The following ATF6 variants were observed in gnomAD, a reference collection of about 807,000 sequenced individuals.
ATF6 encodes activating transcription factor 6.
In ATF6, 53 loss-of-function variants were observed where a neutral mutation model predicts 83.6. The ratio of observed to expected loss-of-function variants is 0.63; its 90% CI spans 0.51 to 0.80. The LOEUF is 0.80. ATF6 is among the 30% of genes least tolerant of loss of function. The pLI is 0.00. For synonymous variants in ATF6, 288 were observed against 285.8 expected (o/e 1.01, Z -0.08); for missense variants, 744 against 797.9 (o/e 0.93, Z 0.81).
At chr1:161,838,295 C>T (rs1319104690) in intron 9 of ATF6, among the ~76,000 whole-genome samples, 1 of 152,202 alleles carries the variant, frequency 6.6e-6, no homozygotes, top group Non-Finnish European at 1.5e-5. Flanking sequence ...TAAACACTGA[C>T]TCAGTGATGT....
At chr1:161,798,055 T>C (rs1427288827) in intron 6 of ATF6, among the ~76,000 whole-genome samples, 1 of 152,022 alleles carries the variant, frequency 6.6e-6, no homozygotes, top group Non-Finnish European at 1.5e-5. Flanking sequence ...AAACAAACAG[T>C]GGGGAAAGGA....
intron 15 of ATF6, among the ~76,000 whole-genome samples, chr1:161,920,294 C>CTTTTTTTTTTTTT (rs71798307): frequency 0.21 from 11,577 of 54,398 alleles, 4,483 homozygotes; most frequent in Non-Finnish European, 0.26. Flanking sequence ...CTCTCTCTCT[C>CTTTTTTTTTTTTT]TTTTTTTTTT....
chr1:161,851,730 A>G lies in ATF6; in HGVS notation c.1328A>G (p.His443Arg), dbSNP rs1236758096. ...GTGCATCCATGTTTCAGATATGATCATTCTGTTTCAAATGACAAAGCCCTG... is the reference window on the plus strand; with the variant it reads ...GTGCATCCATGTTTCAGATATGATCGTTCTGTTTCAAATGACAAAGCCCTG... ...IIQKNSYRYD[H>R]SVSNDKALMV... Residue 443 changes from histidine to arginine, a missense_variant, in exon 11 of 16, where the codon CAT (histidine) becomes CGT (arginine). By Grantham distance (29) the His-to-Arg change is conservative. Coordinates refer to ENST00000367942, the MANE Select transcript of ATF6 (RefSeq NM_007348.4). 6.2e-7 allele frequency: 1 copy of G among 1,612,716 alleles called. No individual in the cohort carries two copies. Among genetic ancestry groups the G allele is most frequent in the Non-Finnish European group, 8.5e-7 (1 of 1,178,950 alleles).
intron 12 of ATF6, among the ~76,000 whole-genome samples, chr1:161,856,357 A>G (rs185166713): frequency 6.6e-6 from 1 of 152,204 alleles, no homozygotes; most frequent in Admixed American, 6.5e-5. Context: ...AGTCATTAAC[A>G]ATGTCACATG....
chr1:161,834,546 G>A (rs994819442), intron 9 of ATF6, among the ~76,000 whole-genome samples: 2 of 148,686 alleles, frequency 1.3e-5, no homozygotes, highest in East Asian at 4.1e-4. Flanking sequence ...AACACCGCAT[G>A]TTCTCACTCA....
At chr1:161,910,080 A>G (rs1254081432) in intron 14 of ATF6, among the ~76,000 whole-genome samples, 1 of 152,246 alleles carries the variant, frequency 6.6e-6, no homozygotes, top group Non-Finnish European at 1.5e-5. Context: ...ACAGAGAGAA[A>G]GTAATGATTC....
chr1:161,868,435 T>C (rs1490067928), intron 14 of ATF6, among the ~76,000 whole-genome samples: 1 of 152,194 alleles, frequency 6.6e-6, no homozygotes, highest in Non-Finnish European at 1.5e-5. Flanking sequence ...CATTAAATTC[T>C]TTCTTGTATT....
At chr1:161,845,959 T>A (rs1053364151) in intron 9 of ATF6, among the ~76,000 whole-genome samples, 95 of 152,210 alleles carry the variant, frequency 6.2e-4, no homozygotes, top group African/African-American at 2.1e-3. Context: ...TTAAAAAATT[T>A]TTTTTTCTTA....
At position 161,821,060 on chromosome 1, in the gene ATF6, T is replaced by C; in HGVS notation, c.1096-10T>C. ...AGTTTAATTGTATTTAATGTGGTCA[T>C]TTCCTTTAGAACCAGAGGCTTAAAG... On this transcript the variant is annotated splice_polypyrimidine_tract_variant and intron_variant, in intron 8 of 15. Transcript: ENST00000367942. 9 of 1,585,838 alleles carry C rather than the reference T, an allele frequency of 5.7e-6. No individual in the cohort carries two copies. Among genetic ancestry groups the C allele is most frequent in the Non-Finnish European group, 7.7e-6 (9 of 1,162,296 alleles).
intron 5 of ATF6, among the ~76,000 whole-genome samples, 187 bp from the exon 6 acceptor site, chr1:161,791,937 G>A (rs893462373): frequency 1.3e-5 from 2 of 152,192 alleles, no homozygotes; most frequent in South Asian, 4.1e-4. Flanking sequence ...AGAAAAGGAG[G>A]TAACAGTTTA....
At chr1:161,803,721 C>T (rs1355259302) in intron 7 of ATF6, among the ~76,000 whole-genome samples, 1 of 152,056 alleles carries the variant, frequency 6.6e-6, no homozygotes, top group African/African-American at 2.4e-5. Context: ...CAAAAGCTTT[C>T]TGTGATATTT....
intron 7 of ATF6, among the ~76,000 whole-genome samples, chr1:161,805,475 T>C (rs758624544): frequency 1.3e-5 from 2 of 152,160 alleles, no homozygotes; most frequent in Non-Finnish European, 2.9e-5. Flanking sequence ...GAGCCAAGCC[T>C]TTCAATATGA....
intron 14 of ATF6, among the ~76,000 whole-genome samples, chr1:161,901,106 A>C (rs1258462452): frequency 6.6e-6 from 1 of 152,154 alleles, no homozygotes; most frequent in Non-Finnish European, 1.5e-5. Flanking sequence ...TCTGTCATAC[A>C]TATGAAATAT....
At chr1:161,833,665 G>A (rs12030544) in intron 9 of ATF6, among the ~76,000 whole-genome samples, 21,562 of 152,126 alleles carry the variant, frequency 0.14, 2,100 homozygotes, top group East Asian at 0.31. Context: ...AGCGATGGAA[G>A]ACGAAGTGAA....
chr1:161,782,751 T>A (rs1684666031), intron 3 of ATF6, among the ~76,000 whole-genome samples: 1 of 152,242 alleles, frequency 6.6e-6, no homozygotes, highest in South Asian at 2.1e-4. Flanking sequence ...CCTGTTTGCC[T>A]TCATAGAATG....
At chr1:161,950,102 CGTG>C (rs761637933) in intron 15 of ATF6, among the ~76,000 whole-genome samples, 8 of 152,174 alleles carry the variant, frequency 5.3e-5, no homozygotes, top group South Asian at 2.1e-4. Flanking sequence ...CCTGAATATT[CGTG>C]GTGTTGTGTG....
intron 15 of ATF6, among the ~76,000 whole-genome samples, chr1:161,941,485 T>C (rs1231542725): frequency 6.6e-6 from 1 of 152,232 alleles, no homozygotes; most frequent in Non-Finnish European, 1.5e-5. Context: ...AATCTTGCTT[T>C]TTAAAAAATC....
intron 1 of ATF6, among the ~76,000 whole-genome samples, chr1:161,768,968 A>G (rs1031992188): frequency 6.6e-6 from 1 of 152,242 alleles, no homozygotes; most frequent in Non-Finnish European, 1.5e-5. Flanking sequence ...TAATTTAAAT[A>G]AAGTGATTAA....
chr1:161,812,093 A>G (rs1194451954), intron 7 of ATF6, among the ~76,000 whole-genome samples: 1 of 152,178 alleles, frequency 6.6e-6, no homozygotes, highest in Non-Finnish European at 1.5e-5. Flanking sequence ...GATGGCTAAT[A>G]TTAATAAAGT....
Sources: allele counts gnomAD v4.1 joint callset (sites outside exome capture counted in the v4.1 genomes callset), GRCh38; gene constraint gnomAD v4.1.1; transcripts MANE v1.5; gene names NCBI Gene and HGNC (gene_info 2026-07-23, HGNC 2026-07-21).